The following SERINC3 variants were observed in gnomAD, a reference collection of about 807,000 sequenced individuals.
SERINC3 encodes serine incorporator 3.
A neutral mutation model predicts 52.1 loss-of-function variants in SERINC3; 22 were observed. The ratio of observed to expected loss-of-function variants is 0.42; its 90% CI spans 0.30 to 0.60. The LOEUF (loss-of-function observed/expected upper bound fraction) is 0.60, where lower values mean the gene tolerates loss of function less well. SERINC3 is among the 20% of genes least tolerant of loss of function. SERINC3 has a pLI of 0.16. For missense variants in SERINC3, 564 were observed against 584.6 expected, an observed-to-expected ratio of 0.96 and a Z score of 0.36; for synonymous variants, 226 against 212.7, an observed-to-expected ratio of 1.06 and a Z score of -0.54.
rs1332477809 is a variant in SERINC3, at chr20:44,522,038, T to C, written c.-87A>G. ...CAGCTGAGGTGACTCCCCAGAAACA[T>C]GACGGTTTCTCAGGCCGGAAACGCA... On this transcript the variant is annotated 5_prime_UTR_variant, in exon 1 of 10. The change abolishes an upstream ATG in the 5' untranslated region. Coordinates refer to ENST00000342374, the MANE Select transcript of SERINC3 (RefSeq NM_006811.4). The C allele has an allele frequency of 1.1e-5, 15 of 1,365,538 alleles. No individual in the cohort carries two copies. Among genetic ancestry groups the C allele is most frequent in the Non-Finnish European group, 1.4e-5 (14 of 982,182 alleles). The allele number at this position is 1,365,538 out of a possible 1,614,324, so 84.6% of individuals were successfully genotyped here.
intron 5 of SERINC3, among the ~76,000 whole-genome samples, chr20:44,509,163 T>C (rs1328704291): frequency 1.3e-5 from 2 of 152,182 alleles, no homozygotes. Context: ...TAAATCCCAT[T>C]ATCACTCTAG....
chr20:44,516,455 C>A (rs894520220), intron 1 of SERINC3, among the ~76,000 whole-genome samples: 1 of 151,776 alleles, frequency 6.6e-6, no homozygotes, highest in Non-Finnish European at 1.5e-5. Flanking sequence ...TGCAGTAACG[C>A]CATCTCGGCT....
At chr20:44,513,386 T>C (rs2064360563) in intron 2 of SERINC3, among the ~76,000 whole-genome samples, 1 of 152,128 alleles carries the variant, frequency 6.6e-6, no homozygotes, top group African/African-American at 2.4e-5. Flanking sequence ...CTCGGGAGGC[T>C]GAGGCAGGAG....
At position 44,501,124 on chromosome 20, in the gene SERINC3, A is replaced by G. The variant is rs1287735718; in HGVS notation, c.1232T>C (p.Met411Thr). Residue 411 changes from methionine to threonine, a missense_variant, in exon 9 of 10, where the codon ATG (methionine) becomes ACG (threonine). Coordinates refer to ENST00000342374, the MANE Select transcript of SERINC3 (RefSeq NM_006811.4). Reference protein sequence around the residue: ...VQYSYSLFHLMLCLASLYIMM... With the variant: ...VQYSYSLFHLTLCLASLYIMM... ...GATGTACAAGGAAGCCAAGCAGAGC[A>G]TGAGGTGGAATAAGGAGTAGCTATA... 1.2e-6 allele frequency: 2 copies of G among 1,614,116 alleles called. No individual in the cohort carries two copies. The highest frequency in any genetic ancestry group is 3.3e-5 in the Admixed American group (2 of 60,012).
At position 44,500,406 on chromosome 20, in the gene SERINC3, T is replaced by G; in HGVS notation, c.1312A>C (p.Ser438Arg). ...TTGACCCACACAGCTGGCCACTTGC[T>G]GGTCATGCTCTGAAACTTTGCATCA... ...SPDAKFQSMT[S>R]KWPAVWVKIS... is the part of the protein sequence containing the mutation. The change falls in exon 10 of 10, where the codon AGC becomes CGC. Residue 438 changes from serine to arginine, a missense_variant. Physicochemically the swap from Ser to Arg is moderately radical, Grantham distance 110. Coordinates refer to ENST00000342374, the MANE Select transcript of SERINC3 (RefSeq NM_006811.4). The G allele has an allele frequency of 6.3e-7, 1 of 1,580,088 alleles. No homozygotes were observed. Among genetic ancestry groups the G allele is most frequent in the South Asian group, 1.2e-5 (1 of 86,462 alleles).
At chr20:44,503,712 TG>T in intron 8 of SERINC3, 102 bp downstream of exon 8, 1 of 872,886 alleles carries the variant, frequency 1.1e-6, no homozygotes, top group Non-Finnish European at 1.7e-6. Flanking sequence ...TTAAAGAGAG[TG>T]AAGTTTTTAA....
At chr20:44,516,722 C>T (rs141570433) in intron 1 of SERINC3, among the ~76,000 whole-genome samples, 2 of 152,200 alleles carry the variant, frequency 1.3e-5, no homozygotes, top group African/African-American at 2.4e-5. Flanking sequence ...AAAGACAAGG[C>T]GTCACTCTGT....
At chr20:44,505,039 C>T in intron 6 of SERINC3, 148 bp from the exon 7 acceptor site, 1 of 578,206 alleles carries the variant, frequency 1.7e-6, no homozygotes, top group Admixed American at 3.0e-5. Flanking sequence ...AAGTAACCTT[C>T]TGTTCAGTTA....
rs770010995 is a variant in SERINC3 at position 44,512,845 on chromosome 20, G to T, written c.351C>A (p.Phe117Leu). The change falls in exon 3 of 10, where the codon TTC (phenylalanine) becomes TTA (leucine). Residue 117 changes from phenylalanine to leucine, a missense_variant. Phe to Leu is a conservative substitution (Grantham distance 22). Transcript: ENST00000342374. ...GGAGATCTTTACTTGTTTTTACTTT[G>T]AACATGAGCAGAGAAAAGACAAAGA... ...IFFFVFSLLMFKVKTSKDLRA... is the reference protein window; with the variant it reads ...IFFFVFSLLMLKVKTSKDLRA... 2 of 1,576,434 alleles carry T rather than the reference G, an allele frequency of 1.3e-6. No homozygotes were observed. Among genetic ancestry groups the T allele is most frequent in the Non-Finnish European group, 1.7e-6 (2 of 1,168,124 alleles).
chr20:44,514,231 G>A (rs2064366274), intron 1 of SERINC3, among the ~76,000 whole-genome samples, 191 bp from the exon 2 acceptor site: 2 of 152,144 alleles, frequency 1.3e-5, no homozygotes, highest in Admixed American at 1.3e-4. Flanking sequence ...ACCCCAGCAA[G>A]TTACGTACTC....
Position 44,504,787 on chromosome 20 carries a change from T to C in SERINC3, c.874+14A>G, listed in dbSNP as rs2064300813. ...TCTTTTTATCAAATGAATGTGTTAT[T>C]GACATTCCCTTACCAGGTTCATTGG... On this transcript the variant is annotated intron_variant, in intron 7 of 9. Transcript: ENST00000342374. The C allele has an allele frequency of 6.3e-7, 1 of 1,586,746 alleles. No homozygotes were observed. The highest frequency in any genetic ancestry group is 8.6e-7 in the Non-Finnish European group (1 of 1,157,184).
At position 44,503,818 on chromosome 20, in the gene SERINC3, G is replaced by C. The variant is rs200302188; in HGVS notation, c.1052C>G (p.Ser351Cys). 57 of 1,537,900 alleles carry C rather than the reference G, an allele frequency of 3.7e-5. No individual in the cohort carries two copies. Among genetic ancestry groups the C allele is most frequent in the Middle Eastern group, 3.5e-4 (2 of 5,700 alleles). ...LFVFVLCLLY[S>C]SIRTSTNSQV... is the part of the protein sequence containing the mutation. ...TTCTAAGTACCTTTTAACTTACCTA[G>C]AATACAAGAGGCAGAGAACAAAGAC... Residue 351 changes from serine (S) to cysteine (C), a missense_variant, in exon 8 of 10, where the codon TCT (serine) becomes TGT (cysteine). Coordinates refer to ENST00000342374, the MANE Select transcript of SERINC3 (RefSeq NM_006811.4).
intron 4 of SERINC3, among the ~76,000 whole-genome samples, chr20:44,510,419 G>A (rs1170294103): frequency 6.6e-6 from 1 of 152,202 alleles, no homozygotes; most frequent in African/African-American, 2.4e-5. Context: ...ATTCCATCAA[G>A]TGAGAACACA....
rs1479213561 is a variant in SERINC3, at chr20:44,504,099, G to A, written c.875-104C>T. On this transcript the variant is annotated intron_variant, in intron 7 of 9. Coordinates refer to ENST00000342374, the MANE Select transcript of SERINC3 (RefSeq NM_006811.4). The stretch of plus-strand genomic sequence containing the variant: ...ATCATTCAGTCATGATGTGAAACAT[G>A]GGAATGCTTTACTTAAAAAATCTGA... 6 of 908,852 alleles carry A rather than the reference G, an allele frequency of 6.6e-6. No individual in the cohort carries two copies. In the African/African-American group the frequency reaches 8.9e-5, roughly 13 times the overall value. 56.3% of individuals were successfully genotyped at this position (908,852 alleles called of 1,614,324 possible). A position where few individuals can be genotyped will look rare whatever the true frequency, so the allele number is the denominator to read the frequency against.
chr20:44,510,755 G>A (rs1431932968), intron 4 of SERINC3, among the ~76,000 whole-genome samples: 1 of 152,080 alleles, frequency 6.6e-6, no homozygotes, highest in Admixed American at 6.5e-5. Context: ...AGGTTGCAGT[G>A]AGCTGAGATC....
chr20:44,511,939 C>T (rs781744752), intron 3 of SERINC3, among the ~76,000 whole-genome samples: 1 of 152,208 alleles, frequency 6.6e-6, no homozygotes, highest in South Asian at 2.1e-4. Flanking sequence ...TTATTAACCT[C>T]TCTGCAGTTC....
intron 5 of SERINC3, among the ~76,000 whole-genome samples, chr20:44,508,602 G>C (rs1368089935): frequency 2.6e-5 from 4 of 152,208 alleles, no homozygotes; most frequent in Non-Finnish European, 5.9e-5. Context: ...CTCCGCTATG[G>C]AATGCCATGG....
chr20:44,518,609 T>C (rs919769386), intron 1 of SERINC3, among the ~76,000 whole-genome samples: 3 of 152,182 alleles, frequency 2.0e-5, no homozygotes, highest in African/African-American at 7.2e-5. Flanking sequence ...TTGTCTTTCC[T>C]AAAGAAACCT....
chr20:44,507,031 C>A, intron 5 of SERINC3, 35 bp from the exon 6 acceptor site: 1 of 1,441,896 alleles, frequency 6.9e-7, no homozygotes, highest in African/African-American at 1.4e-5. Context: ...ATGACCACAA[C>A]TATAATAAAC....
Sources: allele counts gnomAD v4.1 joint callset (sites outside exome capture counted in the v4.1 genomes callset), GRCh38; gene constraint gnomAD v4.1.1; transcripts MANE v1.5; gene names NCBI Gene and HGNC (gene_info 2026-07-23, HGNC 2026-07-21).